Variants in PSD3 observed in about 807,000 individuals in gnomAD.
PSD3 encodes pleckstrin and Sec7 domain containing 3, also known as PH and SEC7 domain-containing protein 3.
A neutral mutation model predicts 105.5 loss-of-function variants in PSD3; 49 were observed. That is an observed-to-expected ratio of 0.46 (90% CI 0.37 to 0.59). The LOEUF (loss-of-function observed/expected upper bound fraction) is 0.59. Among genes scored for constraint, PSD3 ranks in the 20% least tolerant of loss-of-function variants. The pLI, the probability that PSD3 is intolerant of heterozygous loss-of-function variation, is 0.00. For synonymous variants in PSD3, 557 were observed against 457.8 expected (o/e 1.22, Z -2.77); for missense variants, 1,561 against 1,263.8 (o/e 1.24, Z -3.57).
At chr8:18,912,920 C>G (rs1239996573) in intron 2 of PSD3, among the ~76,000 whole-genome samples, 1 of 151,996 alleles carries the variant, frequency 6.6e-6, no homozygotes, top group Non-Finnish European at 1.5e-5. Context: ...ACAAAAGCCC[C>G]AAGTGGGCTG....
chr8:18,752,514 T>C (rs1805601769), intron 9 of PSD3, among the ~76,000 whole-genome samples: 1 of 83,566 alleles, frequency 1.2e-5, no homozygotes, highest in Non-Finnish European at 1.9e-5. Context: ...ATATATAATA[T>C]ATGTAATATA....
intron 9 of PSD3, among the ~76,000 whole-genome samples, chr8:18,729,583 T>A (rs887772285): frequency 6.6e-6 from 1 of 152,190 alleles, no homozygotes; most frequent in Non-Finnish European, 1.5e-5. Context: ...AAGGGTACAG[T>A]GCAGGTTCCT....
chr8:18,984,312 C>T (rs184937926), intron 1 of PSD3, among the ~76,000 whole-genome samples: 1 of 151,940 alleles, frequency 6.6e-6, no homozygotes, highest in South Asian at 2.1e-4. Context: ...CTACACAATT[C>T]TCAACAGATC....
intron 1 of PSD3, among the ~76,000 whole-genome samples, chr8:19,008,008 A>G (rs1826773102): frequency 6.6e-6 from 1 of 151,562 alleles, no homozygotes; most frequent in South Asian, 2.1e-4. Context: ...ATGCCCAGCT[A>G]ATTTTTGTAT....
chr8:18,942,338 T>C (rs551636910), intron 1 of PSD3, among the ~76,000 whole-genome samples: 2 of 152,346 alleles, frequency 1.3e-5, no homozygotes, highest in African/African-American at 4.8e-5. Context: ...CACTTGATCC[T>C]GCTCAATCCT....
intron 9 of PSD3, among the ~76,000 whole-genome samples, chr8:18,658,291 A>T (rs1380148923): frequency 6.6e-6 from 1 of 152,312 alleles, no homozygotes; most frequent in African/African-American, 2.4e-5. Flanking sequence ...ACGCTTTACA[A>T]ATGCATCCAA....
At chr8:18,897,885 G>C (rs1039078791) in intron 2 of PSD3, among the ~76,000 whole-genome samples, 2 of 152,094 alleles carry the variant, frequency 1.3e-5, no homozygotes, top group Non-Finnish European at 2.9e-5. Context: ...TAGACGGTCA[G>C]TTCAGAGGTT....
intron 1 of PSD3, among the ~76,000 whole-genome samples, chr8:19,019,926 G>A (rs375688834): frequency 3.3e-4 from 50 of 152,242 alleles, no homozygotes; most frequent in African/African-American, 1.0e-3. Flanking sequence ...AGGGAGTATA[G>A]TAAGTGCACA....
chr8:18,731,086 T>A (rs1803711489), intron 9 of PSD3, among the ~76,000 whole-genome samples: 1 of 137,048 alleles, frequency 7.3e-6, no homozygotes, highest in Non-Finnish European at 1.6e-5. Flanking sequence ...TAAAACCCTG[T>A]CTCTAATAAA....
intron 1 of PSD3, among the ~76,000 whole-genome samples, chr8:19,074,042 G>A (rs1288371374): frequency 3.3e-5 from 5 of 152,056 alleles, no homozygotes; most frequent in South Asian, 2.1e-4. Flanking sequence ...CGCCCACCTC[G>A]CCCTCCCAAA....
chr8:18,600,653 G>C (rs989797166), intron 11 of PSD3, among the ~76,000 whole-genome samples: 1 of 152,128 alleles, frequency 6.6e-6, no homozygotes, highest in Non-Finnish European at 1.5e-5. Context: ...TACCAGGTTG[G>C]TGCTATTTCT....
At chr8:18,545,624 T>C (rs1044589609) in intron 15 of PSD3, among the ~76,000 whole-genome samples, 1 of 152,232 alleles carries the variant, frequency 6.6e-6, no homozygotes, top group Non-Finnish European at 1.5e-5. Context: ...TCATTAAGTT[T>C]TTCCCTATGT....
chr8:19,047,755 C>T (rs1828376280), intron 1 of PSD3, among the ~76,000 whole-genome samples: 1 of 152,098 alleles, frequency 6.6e-6, no homozygotes. Flanking sequence ...TCCCTCTCCT[C>T]CCTAAGAATG....
chr8:19,084,060 G>A, intron 1 of PSD3: 1 of 343,966 alleles, frequency 2.9e-6, no homozygotes, highest in Non-Finnish European at 5.8e-6. Context: ...GCCTGGGAAG[G>A]CTGCGGCTCG....
Position 18,531,787 on chromosome 8 carries a change from GTTCT to G in PSD3, c.*3952_*3955del, listed in dbSNP as rs779205447. 4 of 152,188 alleles carry G rather than the reference GTTCT, an allele frequency of 2.6e-5. No homozygotes were observed. Among genetic ancestry groups the G allele is most frequent in the African/African-American group, 7.2e-5 (3 of 41,444 alleles). The allele number at this position is 152,188 out of a possible 1,614,324, so 9.4% of individuals were successfully genotyped here. A position where few individuals can be genotyped will look rare whatever the true frequency, so the allele number is the denominator to read the frequency against. On this transcript the variant is annotated 3_prime_UTR_variant, in exon 16 of 16. Transcript: ENST00000327040. ...TAACAACTCTTAGGATGCCACTTTG[GTTCT>G]TTGTTTTACAGTGCTAATTTTACAA...
chr8:18,531,729 T>A lies in PSD3; in HGVS notation c.*4014A>T, dbSNP rs2129867272. 6.6e-6 allele frequency: 1 copy of A among 152,368 alleles called. No homozygotes were observed. The highest frequency in any genetic ancestry group is 1.9e-4 in the East Asian group (1 of 5,186). The allele number at this position is 152,368 out of a possible 1,614,324, so 9.4% of individuals were successfully genotyped here. A position where few individuals can be genotyped will look rare whatever the true frequency, so the allele number is the denominator to read the frequency against. On this transcript the variant is annotated 3_prime_UTR_variant, in exon 16 of 16. Transcript: ENST00000327040. ...AAGCAGATACTATTTAAACTCCAAC[T>A]TGGACAATTCCTCATAAACTAGACT...
intron 15 of PSD3, among the ~76,000 whole-genome samples, chr8:18,546,968 G>A (rs1585213155): frequency 1.3e-5 from 2 of 152,322 alleles, no homozygotes; most frequent in South Asian, 4.1e-4. Context: ...GAACATGGTG[G>A]TTCTGCTGGC....
At chr8:18,598,570 C>A (rs1804209171) in intron 12 of PSD3, among the ~76,000 whole-genome samples, 1 of 152,014 alleles carries the variant, frequency 6.6e-6, no homozygotes, top group African/African-American at 2.4e-5. Context: ...CTCAATGATG[C>A]AGGAAAGCGA....
intron 12 of PSD3, among the ~76,000 whole-genome samples, chr8:18,576,760 G>T (rs767985055): frequency 9.9e-5 from 15 of 152,104 alleles, no homozygotes; most frequent in Admixed American, 3.3e-4. Flanking sequence ...TAACTGGAAT[G>T]AGGAGAAATG....
Sources: allele counts gnomAD v4.1 joint callset (sites outside exome capture counted in the v4.1 genomes callset), GRCh38; gene constraint gnomAD v4.1.1; transcripts MANE v1.5; gene names NCBI Gene and HGNC (gene_info 2026-07-23, HGNC 2026-07-21).